XPO5: variants seen among roughly 807,000 people sequenced by gnomAD.
XPO5 encodes exportin-5.
A neutral mutation model predicts 160.6 loss-of-function variants in XPO5; 46 were observed. That is an observed-to-expected ratio of 0.29 (90% CI 0.23 to 0.37). The LOEUF is 0.37. Ranked by LOEUF, XPO5 falls within the 10% of genes least tolerant of loss-of-function variation. The pLI is 1.00. For synonymous variants in XPO5, 537 were observed against 519.3 expected, an observed-to-expected ratio of 1.03 and a Z score of -0.46; for missense variants, 1,090 against 1,463.9, an observed-to-expected ratio of 0.74 and a Z score of 4.17.
intron 20 of XPO5, among the ~76,000 whole-genome samples, chr6:43,545,928 G>A (rs1484194232): frequency 6.6e-6 from 1 of 152,032 alleles, no homozygotes; most frequent in African/African-American, 2.4e-5. Flanking sequence ...TGTTTAATGT[G>A]TATATAAACC....
chr6:43,550,056 G>A (rs1201575101), intron 15 of XPO5, 122 bp from the exon 16 acceptor site: 9 of 1,002,262 alleles, frequency 9.0e-6, no homozygotes, highest in Non-Finnish European at 1.4e-5. Flanking sequence ...TTAGCCTTCT[G>A]AGTAGCTGGG....
At chr6:43,555,295 C>G (rs1190591486) in intron 13 of XPO5, 2 of 152,254 alleles carry the variant, frequency 1.3e-5, no homozygotes, top group Non-Finnish European at 2.9e-5. Context: ...AGATGAGAGA[C>G]AAAACATTTG....
rs528648301 is a variant in XPO5 at position 43,528,250 on chromosome 6, T to A, written c.2776-45A>T. Reference sequence around the variant, plus strand: ...ATAAATGCTAGAATTGGGGAAAGGATTGGAACACATAATATCTAAAGTCAA... The same window carrying A: ...ATAAATGCTAGAATTGGGGAAAGGAATGGAACACATAATATCTAAAGTCAA... On this transcript the variant is annotated intron_variant, in intron 24 of 31. Transcript: ENST00000265351. 1.0e-5 allele frequency: 16 copies of A among 1,540,930 alleles called. No individual in the cohort carries two copies. In the Admixed American group the frequency reaches 2.5e-4, roughly 24 times the overall value.
chr6:43,542,759 A>G (rs183101636), intron 20 of XPO5, among the ~76,000 whole-genome samples: 220 of 152,348 alleles, frequency 1.4e-3, no homozygotes, highest in South Asian at 2.1e-3. Flanking sequence ...CAACTCCAGC[A>G]TATAACTGGT....
intron 19 of XPO5, chr6:43,547,366 A>G: frequency 1.7e-6 from 1 of 581,374 alleles, no homozygotes; most frequent in Non-Finnish European, 3.1e-6. Context: ...CAGTCTTCAG[A>G]GCTATTTAGA....
At chr6:43,528,707 G>A (rs1239998822) in intron 24 of XPO5, 121 bp downstream of exon 24, 6 of 939,252 alleles carry the variant, frequency 6.4e-6, no homozygotes, top group Non-Finnish European at 1.0e-5. Flanking sequence ...TAGAAGCTCT[G>A]CCCAGCCAGT....
intron 6 of XPO5, 136 bp from the exon 7 acceptor site, chr6:43,567,490 A>G: frequency 2.8e-6 from 2 of 719,118 alleles, no homozygotes; most frequent in Non-Finnish European, 4.3e-6. Context: ...AGTCACAGGT[A>G]GGGAACACAA....
At chr6:43,562,517 C>T (rs957004833) in intron 8 of XPO5, 171 bp from the exon 9 acceptor site, 26 of 574,658 alleles carry the variant, frequency 4.5e-5, no homozygotes, top group African/African-American at 4.1e-4. Context: ...TATTTGGTGG[C>T]AAAACCTGAC....
rs369997570 is a variant in XPO5 at position 43,558,490 on chromosome 6, A to G, written c.1312+11T>C. ...GACTGTTGAGAGAAATCCAAGGCCA[A>G]CATCACTTACAGTTGAAGAAAGCAT... is the stretch of plus-strand genomic sequence containing the variant. On this transcript the variant is annotated intron_variant, in intron 12 of 31. Coordinates refer to ENST00000265351, the MANE Select transcript of XPO5 (RefSeq NM_020750.3). 35 of 1,585,528 alleles carry G rather than the reference A, an allele frequency of 2.2e-5. 1 individual carries two copies. In the Admixed American group the frequency reaches 5.7e-4, roughly 26 times the overall value.
rs144114311 is a variant in XPO5, at chr6:43,528,970, C to G, written c.2678-45G>C. 956 of 1,560,898 alleles carry G rather than the reference C, an allele frequency of 6.1e-4. 10 individuals carry two copies. In the East Asian group the frequency reaches 0.017, roughly 28 times the overall value. On this transcript the variant is annotated intron_variant, in intron 23 of 31. Coordinates refer to ENST00000265351, the MANE Select transcript of XPO5 (RefSeq NM_020750.3). Reference sequence around the variant, plus strand: ...AATTTTAGTGCATAGGCACACATCTCTCACCTGCCAGGTGGTGGGTTGCAC... The same window carrying G: ...AATTTTAGTGCATAGGCACACATCTGTCACCTGCCAGGTGGTGGGTTGCAC...
intron 6 of XPO5, among the ~76,000 whole-genome samples, chr6:43,567,719 C>A (rs573740302): frequency 2.6e-5 from 4 of 151,836 alleles, no homozygotes; most frequent in Non-Finnish European, 4.4e-5. Flanking sequence ...CATGGCAAAA[C>A]TAGTGTCTAC....
chr6:43,573,590 C>T lies in XPO5; in HGVS notation c.117G>A (p.Glu39=). Residue 39 remains glutamate (E), a synonymous_variant, in exon 2 of 32, where the codon GAG becomes GAA. Coordinates refer to ENST00000265351, the MANE Select transcript of XPO5 (RefSeq NM_020750.3). ...CACAGATAGGACACTTTTCTTTAAA[C>T]TCCTCACAAAACTGAAAGAAGAAAA... ...YRLEALKFCE[E]FKEKCPICVP... The T allele has an allele frequency of 6.2e-7, 1 of 1,612,810 alleles. No homozygotes were observed. Among genetic ancestry groups the T allele is most frequent in the Non-Finnish European group, 8.5e-7 (1 of 1,179,270 alleles).
At chr6:43,527,243 A>C (rs1163393436) in intron 26 of XPO5, 2 of 199,116 alleles carry the variant, frequency 1.0e-5, no homozygotes, top group Non-Finnish European at 2.1e-5. Context: ...CTATCTAGTT[A>C]TTTCTTTTGG....
At position 43,523,195 on chromosome 6, in the gene XPO5, T is replaced by C. The variant is rs1793304578; in HGVS notation, c.*673A>G. 1 of 170,924 alleles carries C rather than the reference T, an allele frequency of 5.9e-6. No homozygotes were observed. Among genetic ancestry groups the C allele is most frequent in the African/African-American group, 2.4e-5 (1 of 41,830 alleles). 10.6% of individuals were successfully genotyped at this position (170,924 alleles called of 1,614,324 possible). On this transcript the variant is annotated 3_prime_UTR_variant, in exon 32 of 32. Coordinates refer to ENST00000265351, the MANE Select transcript of XPO5 (RefSeq NM_020750.3). ...GATGTGTGAACTCTAAAGGGGATGT[T>C]AGCACTAAAGACTTCCCAGCCCTGG...
At position 43,523,483 on chromosome 6, in the gene XPO5, G is replaced by A. The variant is rs890002111; in HGVS notation, c.*385C>T. On this transcript the variant is annotated 3_prime_UTR_variant, in exon 32 of 32. Transcript: ENST00000265351. ...TAGTTGAGGGCTGTGCTCTTGCTGC[G>A]AGCCTTGCTAGTCGCAGGGTTGGGC... 4.0e-5 allele frequency: 15 copies of A among 371,528 alleles called. No homozygotes were observed. The highest frequency in any genetic ancestry group is 2.7e-4 in the African/African-American group (13 of 47,480). The allele number at this position is 371,528 out of a possible 1,614,324, so 23.0% of individuals were successfully genotyped here.
intron 19 of XPO5, 143 bp from the exon 20 acceptor site, chr6:43,546,895 C>T: frequency 1.2e-6 from 1 of 836,292 alleles, no homozygotes; most frequent in Non-Finnish European, 1.8e-6. Context: ...CGGCAATCCC[C>T]CATCCCTTCC....
At chr6:43,557,783 TAAAAAAAAAAAAAA>T (rs59661301) in intron 12 of XPO5, among the ~76,000 whole-genome samples, 3 of 87,230 alleles carry the variant, frequency 3.4e-5, no homozygotes, top group African/African-American at 1.3e-4. Flanking sequence ...AATAAAGCTG[TAAAAAAAAAAAAAA>T]AAAAAAAAAA....
At chr6:43,552,999 C>T (rs766427286) in intron 14 of XPO5, among the ~76,000 whole-genome samples, 1 of 151,956 alleles carries the variant, frequency 6.6e-6, no homozygotes, top group Non-Finnish European at 1.5e-5. Flanking sequence ...AGATGTACAT[C>T]CATAGATTTT....
At chr6:43,528,396 TG>T (rs1214156974) in intron 24 of XPO5, among the ~76,000 whole-genome samples, 191 bp from the exon 25 acceptor site, 2 of 152,116 alleles carry the variant, frequency 1.3e-5, no homozygotes, top group African/African-American at 4.8e-5. Context: ...CCCACATCCC[TG>T]ATGAAGGTGG....
Sources: gnomAD v4.1 joint callset for allele counts (sites outside exome capture counted in the v4.1 genomes callset) on GRCh38, gnomAD v4.1.1 for gene constraint, MANE v1.5 for transcripts, NCBI Gene and HGNC (gene_info 2026-07-23, HGNC 2026-07-21) for gene names.